The following SCD5 variants were observed in gnomAD, a reference collection of about 807,000 sequenced individuals.
The protein encoded by SCD5 is stearoyl-CoA desaturase 5, also known as acyl-CoA-desaturase 4.
SCD5 carries 20 observed loss-of-function variants against 30.4 expected under a neutral mutation model. The ratio of observed to expected loss-of-function variants is 0.66; its 90% CI spans 0.46 to 0.96. The LOEUF is 0.96. Among genes scored for constraint, SCD5 ranks in the 40% least tolerant of loss-of-function variants. SCD5 has a pLI of 0.00. For synonymous variants in SCD5, 173 were observed against 176.4 expected, an observed-to-expected ratio of 0.98 and a Z score of 0.16; for missense variants, 381 against 443.3, an observed-to-expected ratio of 0.86 and a Z score of 1.26.
rs141072532 is a variant in SCD5 at position 82,727,358 on chromosome 4, T to A, written c.233-21945A>T. Among the ~76,000 whole-genome samples the A allele has an allele frequency of 7.2e-3, 1,091 of 152,302 alleles. 10 individuals carry two copies. The highest frequency in any genetic ancestry group is 0.015 in the Admixed American group (237 of 15,296). On this transcript the variant is annotated intron_variant, in intron 1 of 4. Coordinates refer to ENST00000319540, the MANE Select transcript of SCD5 (RefSeq NM_001037582.3). ...TAAAGGTGTGTACCCTGGTCTACCC[T>A]TGTGGAGTTAAACATATTTCAAACA...
chr4:82,702,494 C>G (rs1161324017), intron 2 of SCD5, among the ~76,000 whole-genome samples: 1 of 151,996 alleles, frequency 6.6e-6, no homozygotes, highest in Non-Finnish European at 1.5e-5. Context: ...CTACTATTGC[C>G]TCTCAGCCCC....
At chr4:82,669,687 AGAGT>A (rs1344987690) in intron 3 of SCD5, among the ~76,000 whole-genome samples, 1 of 152,198 alleles carries the variant, frequency 6.6e-6, no homozygotes, top group Non-Finnish European at 1.5e-5. Flanking sequence ...CCAGGTTCTC[AGAGT>A]AAGTATCAGA....
intron 1 of SCD5, among the ~76,000 whole-genome samples, chr4:82,747,605 T>G (rs1721022688): frequency 6.6e-6 from 1 of 152,246 alleles, no homozygotes; most frequent in Non-Finnish European, 1.5e-5. Flanking sequence ...TATTTAAAAT[T>G]GTGGCTGGCA....
intron 2 of SCD5, among the ~76,000 whole-genome samples, chr4:82,683,751 T>C (rs1375571351): frequency 6.6e-6 from 1 of 152,166 alleles, no homozygotes; most frequent in Non-Finnish European, 1.5e-5. Flanking sequence ...TGATATTGAG[T>C]GAGTTCTCAC....
At chr4:82,704,357 G>A (rs1362848471) in intron 2 of SCD5, among the ~76,000 whole-genome samples, 1 of 152,134 alleles carries the variant, frequency 6.6e-6, no homozygotes, top group African/African-American at 2.4e-5. Flanking sequence ...GAAAATGCAC[G>A]GGGCCCAGAA....
rs1036184959 is a variant in SCD5 at position 82,630,128 on chromosome 4, G to T, written c.*1199C>A. ...GCATGTCAGAGTTATACACCTTTAA[G>T]ATAACAATAGCAAACAGAACAAAAT... On this transcript the variant is annotated 3_prime_UTR_variant, in exon 5 of 5. Transcript: ENST00000319540. 3 of 152,162 alleles carry T rather than the reference G, an allele frequency of 2.0e-5. No homozygotes were observed. Among genetic ancestry groups the T allele is most frequent in the African/African-American group, 7.2e-5 (3 of 41,442 alleles). 9.4% of individuals were successfully genotyped at this position (152,162 alleles called of 1,614,324 possible).
chr4:82,745,326 T>A (rs1468085762), intron 1 of SCD5, among the ~76,000 whole-genome samples: 1 of 152,350 alleles, frequency 6.6e-6, no homozygotes, highest in East Asian at 1.9e-4. Flanking sequence ...AAAGTCCACG[T>A]AACCAATACA....
In SCD5 at chr4:82,798,256, C is replaced by T. The variant is rs1402134451; in HGVS notation, c.232+50G>A. 2.6e-5 allele frequency: 37 copies of T among 1,436,836 alleles called. 1 individual carries two copies. The highest frequency in any genetic ancestry group is 5.3e-5 in the Admixed American group (2 of 37,540). The allele number at this position is 1,436,836 out of a possible 1,614,324, so 89.0% of individuals were successfully genotyped here. A position where few individuals can be genotyped will look rare whatever the true frequency, so the allele number is the denominator to read the frequency against. ...CGAGCGGCGACCTCGCGCGCCCCAG[C>T]GCGGCCTGGCCACGGAGGCCGGGGC... On this transcript the variant is annotated intron_variant, in intron 1 of 4. Transcript: ENST00000319540.
At chr4:82,701,550 C>T (rs1021711956) in intron 2 of SCD5, among the ~76,000 whole-genome samples, 3 of 151,904 alleles carry the variant, frequency 2.0e-5, no homozygotes, top group Admixed American at 2.0e-4. Flanking sequence ...AGAAATCATG[C>T]TGTAGGACAG....
intron 1 of SCD5, among the ~76,000 whole-genome samples, chr4:82,773,869 C>CCT (rs1412294327): frequency 1.5e-4 from 23 of 152,160 alleles, no homozygotes; most frequent in African/African-American, 5.1e-4. Context: ...GCGGGTGGAT[C>CCT]ACTTGAGGTC....
chr4:82,670,099 C>G (rs913762288), intron 3 of SCD5, among the ~76,000 whole-genome samples: 30 of 152,142 alleles, frequency 2.0e-4, no homozygotes, highest in African/African-American at 7.2e-4. Flanking sequence ...GTCCAGTTAT[C>G]AAGAAAAAAT....
At chr4:82,664,999 C>CTCTATATATATATA (rs1219554314) in intron 3 of SCD5, among the ~76,000 whole-genome samples, 29 of 70,488 alleles carry the variant, frequency 4.1e-4, no homozygotes, top group African/African-American at 1.1e-3. Flanking sequence ...CTCTCTCTCT[C>CTCTATATATATATA]TATATATATA....
At chr4:82,748,710 T>C (rs1721043412) in intron 1 of SCD5, among the ~76,000 whole-genome samples, 1 of 152,124 alleles carries the variant, frequency 6.6e-6, no homozygotes, top group East Asian at 1.9e-4. Context: ...TTACCGAGGT[T>C]AGGGGAAGAA....
At chr4:82,744,544 A>G (rs1720945262) in intron 1 of SCD5, among the ~76,000 whole-genome samples, 1 of 152,206 alleles carries the variant, frequency 6.6e-6, no homozygotes, top group Non-Finnish European at 1.5e-5. Flanking sequence ...GGAATGCCCA[A>G]CTTCATGCTG....
intron 1 of SCD5, among the ~76,000 whole-genome samples, chr4:82,761,694 A>G (rs1721371666): frequency 1.3e-5 from 2 of 151,950 alleles, no homozygotes; most frequent in South Asian, 4.1e-4. Context: ...CTCGTCATCT[A>G]GCATTAGGTA....
At chr4:82,639,520 G>A (rs944788692) in intron 3 of SCD5, among the ~76,000 whole-genome samples, 2 of 152,230 alleles carry the variant, frequency 1.3e-5, no homozygotes, top group African/African-American at 2.4e-5. Context: ...CCCCTGGGAG[G>A]GCAAATGCTT....
chr4:82,794,913 A>C (rs1391393266), intron 1 of SCD5, among the ~76,000 whole-genome samples: 1 of 151,938 alleles, frequency 6.6e-6, no homozygotes, highest in East Asian at 1.9e-4. Context: ...GGCCTCCCAA[A>C]CTGCTGGGAT....
At chr4:82,649,861 G>A (rs541876518) in intron 3 of SCD5, among the ~76,000 whole-genome samples, 29 of 152,198 alleles carry the variant, frequency 1.9e-4, no homozygotes, top group African/African-American at 6.0e-4. Context: ...GAGGGTCACC[G>A]GGCCTTTGAA....
chr4:82,733,310 T>C (rs4693052), intron 1 of SCD5, among the ~76,000 whole-genome samples: 58,464 of 151,980 alleles, frequency 0.38, 11,387 homozygotes, highest in Admixed American at 0.43. Flanking sequence ...GCAAGCTAGC[T>C]CTGGTGCCCT....
Sources: allele counts gnomAD v4.1 joint callset (sites outside exome capture counted in the v4.1 genomes callset), GRCh38; gene constraint gnomAD v4.1.1; transcripts MANE v1.5; gene names NCBI Gene and HGNC (gene_info 2026-07-23, HGNC 2026-07-21).